The following CD3D variants were observed in gnomAD, a reference collection of about 807,000 sequenced individuals.
The protein encoded by CD3D is CD3 delta subunit of T-cell receptor complex.
A neutral mutation model predicts 22.0 loss-of-function variants in CD3D; 22 were observed. The ratio of observed to expected loss-of-function variants is 1.00; its 90% CI spans 0.71 to 1.43. The LOEUF (loss-of-function observed/expected upper bound fraction) is 1.43. Among genes scored for constraint, CD3D ranks in the 40% most tolerant of loss-of-function variants. The pLI is 0.00. For synonymous variants in CD3D, 74 were observed against 81.2 expected, an observed-to-expected ratio of 0.91 and a Z score of 0.48; for missense variants, 205 against 211.7, an observed-to-expected ratio of 0.97 and a Z score of 0.20.
In CD3D at chr11:118,340,447, G is replaced by C. The variant is rs111033580; in HGVS notation, c.202C>G (p.Arg68Gly). Residue 68 changes from arginine (R) to glycine (G), a missense_variant, in exon 2 of 5, where the codon CGA becomes GGA. Coordinates refer to ENST00000300692, the MANE Select transcript of CD3D (RefSeq NM_000732.6). ...GTCCCATTACACCTATATATTCCTCGTGGGTCCAGGATGCGTTTTCCCAGG... is the reference window on the plus strand; with the variant it reads ...GTCCCATTACACCTATATATTCCTCCTGGGTCCAGGATGCGTTTTCCCAGG... ...LDLGKRILDPRGIYRCNGTDI... is the reference protein window; with the variant it reads ...LDLGKRILDPGGIYRCNGTDI... 6.2e-7 allele frequency: 1 copy of C among 1,613,982 alleles called. No homozygotes were observed. Among genetic ancestry groups the C allele is most frequent in the African/African-American group, 1.3e-5 (1 of 74,946 alleles).
At position 118,340,364 on chromosome 11, in the gene CD3D, GA is replaced by G; in HGVS notation, c.274+10del. On this transcript the variant is annotated intron_variant, in intron 2 of 4. Coordinates refer to ENST00000300692, the MANE Select transcript of CD3D (RefSeq NM_000732.6). ...ATCCATTCCAACCCAAAGGGTTCAG[GA>G]AGCACGTACTTCGATAATGAACTTG... 1 of 1,608,160 alleles carries G rather than the reference GA, an allele frequency of 6.2e-7. No homozygotes were observed. The highest frequency in any genetic ancestry group is 8.5e-7 in the Non-Finnish European group (1 of 1,174,640).
At chr11:118,341,218 T>C (rs1948297196) in intron 1 of CD3D, among the ~76,000 whole-genome samples, 1 of 152,144 alleles carries the variant, frequency 6.6e-6, no homozygotes, top group African/African-American at 2.4e-5. Flanking sequence ...GCAAATCCCA[T>C]GTACAGTTTT....
intron 3 of CD3D, 66 bp downstream of exon 3, chr11:118,339,709 T>G (rs1227131216): frequency 7.2e-7 from 1 of 1,389,018 alleles, no homozygotes; most frequent in Non-Finnish European, 9.9e-7. Context: ...AGCTCACTGG[T>G]ACACACACAC....
chr11:118,339,585 T>TGAAA (rs1225992572), intron 3 of CD3D, 91 bp from the exon 4 acceptor site: 4 of 1,575,528 alleles, frequency 2.5e-6, no homozygotes, highest in African/African-American at 1.3e-5. Context: ...ATGAGTGATA[T>TGAAA]GAACACACAA....
In CD3D at chr11:118,340,584, A is replaced by G. The variant is rs2134060028; in HGVS notation, c.65T>C (p.Phe22Ser). The change falls in exon 2 of 5, where the codon TTC (phenylalanine) becomes TCC (serine). Residue 22 changes from phenylalanine (F) to serine (S), a missense_variant. Transcript: ENST00000300692. ...LATLLSQVSPFKIPIEELEDR... is the reference protein window; with the variant it reads ...LATLLSQVSPSKIPIEELEDR... ...CTCAAGTTCCTCTATAGGTATCTTG[A>G]AGGGGCTCACTAAAGGGGAAAAAAT... The G allele has an allele frequency of 6.2e-7, 1 of 1,613,074 alleles. No individual in the cohort carries two copies. Among genetic ancestry groups the G allele is most frequent in the East Asian group, 2.2e-5 (1 of 44,874 alleles).
Position 118,339,241 on chromosome 11 carries a change from A to C in CD3D, c.451-14T>G. On this transcript the variant is annotated splice_polypyrimidine_tract_variant and intron_variant, in intron 4 of 4. Coordinates refer to ENST00000300692, the MANE Select transcript of CD3D (RefSeq NM_000732.6). ...ATCTCGGAGGGGCTAAGAGAGGAGA[A>C]GAGAAAACGGTCAGGAGGCAGGGTT... 6.2e-7 allele frequency: 1 copy of C among 1,612,514 alleles called. No individual in the cohort carries two copies. Among genetic ancestry groups the C allele is most frequent in the South Asian group, 1.1e-5 (1 of 91,036 alleles).
At chr11:118,342,419 CTTCGGCCTCCCAA>C (rs919775322) in intron 1 of CD3D, 121 bp downstream of exon 1, 61 of 764,204 alleles carry the variant, frequency 8.0e-5, no homozygotes, top group Non-Finnish European at 1.4e-4. Context: ...GATCCTCCCA[CTTCGGCCTCCCAA>C]AGCTCTGGGA....
At position 118,340,469 on chromosome 11, in the gene CD3D, C is replaced by T; in HGVS notation, c.180G>A (p.Leu60=). 1 of 1,614,030 alleles carries T rather than the reference C, an allele frequency of 6.2e-7. No individual in the cohort carries two copies. The highest frequency in any genetic ancestry group is 8.5e-7 in the Non-Finnish European group (1 of 1,179,954). ...TLLSDITRLD[L]GKRILDPRGI... is the part of the protein sequence containing the mutation. ...CTCGTGGGTCCAGGATGCGTTTTCC[C>T]AGGTCCAGTCTTGTAATGTCTGAGA... The change falls in exon 2 of 5, where the codon CTG becomes CTA. Residue 60 remains leucine, a synonymous_variant. Transcript: ENST00000300692.
chr11:118,342,528 C>G (rs762324678), intron 1 of CD3D, 25 bp downstream of exon 1: 1 of 1,609,664 alleles, frequency 6.2e-7, no homozygotes, highest in Non-Finnish European at 8.5e-7. Flanking sequence ...AGGTCCCTTC[C>G]CCCACCCACC....
chr11:118,342,684 C>T lies in CD3D; in HGVS notation c.-77G>A, dbSNP rs1006260323. 38 of 1,235,958 alleles carry T rather than the reference C, an allele frequency of 3.1e-5. No individual in the cohort carries two copies. The highest frequency in any genetic ancestry group is 4.2e-5 in the Non-Finnish European group (35 of 837,664). 76.6% of individuals were successfully genotyped at this position (1,235,958 alleles called of 1,614,324 possible). A position where few individuals can be genotyped will look rare whatever the true frequency, so the allele number is the denominator to read the frequency against. ...CTGGGTGAGAGCTGCCCTCCCCTAG[C>T]TGACTCACAGGTACCGGAAAGAGGA... On this transcript the variant is annotated 5_prime_UTR_variant, in exon 1 of 5. Coordinates refer to ENST00000300692, the MANE Select transcript of CD3D (RefSeq NM_000732.6).
chr11:118,340,251 A>G (rs545468603), intron 2 of CD3D, 124 bp downstream of exon 2: 1 of 825,264 alleles, frequency 1.2e-6, no homozygotes, highest in African/African-American at 1.7e-5. Context: ...GGCTTGTACC[A>G]TTACAATAGT....
intron 4 of CD3D, 32 bp from the exon 5 acceptor site, chr11:118,339,259 G>A (rs1235906829): frequency 1.2e-6 from 2 of 1,600,254 alleles, no homozygotes; most frequent in South Asian, 1.1e-5. Context: ...CGGTCAGGAG[G>A]CAGGGTTAGA....
chr11:118,341,027 C>T, intron 1 of CD3D: 1 of 451,304 alleles, frequency 2.2e-6, no homozygotes, highest in Non-Finnish European at 4.5e-6. Flanking sequence ...CAGCCATCTA[C>T]AACACTCCCA....
In CD3D at chr11:118,340,535, A is replaced by T. The variant is rs193284900; in HGVS notation, c.114T>A (p.Asn38Lys). ...TTCCCTCTACCCATGTGATGCTGGT[A>T]TTGCAATTCACAAACACTCTGTCCT... is the stretch of plus-strand genomic sequence containing the variant. ...ELEDRVFVNCNTSITWVEGTV... is the reference protein window; with the variant it reads ...ELEDRVFVNCKTSITWVEGTV... Residue 38 changes from asparagine to lysine, a missense_variant, in exon 2 of 5, where the codon AAT becomes AAA. Transcript: ENST00000300692. The T allele has an allele frequency of 1.4e-5, 22 of 1,614,006 alleles. 1 individual carries two copies. In the Admixed American group the frequency reaches 3.5e-4, roughly 26 times the overall value.
In CD3D at chr11:118,342,673, C is replaced by A. The variant is rs1247367069; in HGVS notation, c.-66G>T. The A allele has an allele frequency of 7.2e-7, 1 of 1,382,978 alleles. No individual in the cohort carries two copies. Among genetic ancestry groups the A allele is most frequent in the Non-Finnish European group, 1.0e-6 (1 of 970,716 alleles). The allele number at this position is 1,382,978 out of a possible 1,614,324, so 85.7% of individuals were successfully genotyped here. On this transcript the variant is annotated 5_prime_UTR_variant, in exon 1 of 5. Coordinates refer to ENST00000300692, the MANE Select transcript of CD3D (RefSeq NM_000732.6). ...GAACTATCAGCCTGGGTGAGAGCTG[C>A]CCTCCCCTAGCTGACTCACAGGTAC...
At chr11:118,340,726 C>A in intron 1 of CD3D, 133 bp from the exon 2 acceptor site, 1 of 739,548 alleles carries the variant, frequency 1.4e-6, no homozygotes, top group Non-Finnish European at 2.4e-6. Flanking sequence ...TCAAGAGAGA[C>A]AGAAGTCACA....
In CD3D at chr11:118,342,446, C is replaced by T. The variant is rs962228638; in HGVS notation, c.55+107G>A. The T allele has an allele frequency of 1.0e-5, 10 of 995,178 alleles. No homozygotes were observed. The African/African-American group carries it at 1.3e-4, about 13-fold the overall frequency. The allele number at this position is 995,178 out of a possible 1,614,324, so 61.6% of individuals were successfully genotyped here. The stretch of plus-strand genomic sequence containing the variant: ...TCGGCCTCCCAAAGCTCTGGGATTA[C>T]TGGTGTGAGCCACCGTGCCTGGCAA... On this transcript the variant is annotated intron_variant, in intron 1 of 4. Transcript: ENST00000300692.
rs760345029 is a variant in CD3D, at chr11:118,339,974, C to G, written c.275-68G>C. 21 of 1,590,408 alleles carry G rather than the reference C, an allele frequency of 1.3e-5. No homozygotes were observed. The Admixed American group carries it at 2.2e-4, about 16-fold the overall frequency. On this transcript the variant is annotated intron_variant, in intron 2 of 4. Transcript: ENST00000300692. Reference sequence around the variant, plus strand: ...AGATCAGGGAACCATCCTCTGCCTCCTAGGGCAACCCTTAGATCTCTTATG... The same window carrying G: ...AGATCAGGGAACCATCCTCTGCCTCGTAGGGCAACCCTTAGATCTCTTATG...
chr11:118,339,912 G>C lies in CD3D; in HGVS notation c.275-6C>G. On this transcript the variant is annotated splice_region_variant and splice_polypyrimidine_tract_variant and intron_variant, in intron 2 of 4. Transcript: ENST00000300692. Reference sequence around the variant, plus strand: ...CTCCACACAGCTCTGGCACACTGTGGGGGAAGGGAGGAGAGAGGAGAGGTT... The same window carrying C: ...CTCCACACAGCTCTGGCACACTGTGCGGGAAGGGAGGAGAGAGGAGAGGTT... 6.2e-7 allele frequency: 1 copy of C among 1,613,996 alleles called. No homozygotes were observed. The highest frequency in any genetic ancestry group is 2.2e-5 in the East Asian group (1 of 44,870).
Sources: allele counts gnomAD v4.1 joint callset (sites outside exome capture counted in the v4.1 genomes callset), GRCh38; gene constraint gnomAD v4.1.1; transcripts MANE v1.5; gene names NCBI Gene and HGNC (gene_info 2026-07-23, HGNC 2026-07-21).